NELL2: variants seen among roughly 807,000 people sequenced by gnomAD.
The protein encoded by NELL2 is protein kinase C-binding protein NELL2.
In NELL2, 41 loss-of-function variants were observed where a neutral mutation model predicts 109.6. The observed-to-expected ratio is 0.37, with a 90% CI of 0.29 to 0.49. The LOEUF (loss-of-function observed/expected upper bound fraction) is 0.49, where lower values mean the gene tolerates loss of function less well. NELL2 is among the 20% of genes least tolerant of loss of function. The pLI, the probability that NELL2 is intolerant of heterozygous loss-of-function variation, is 0.98. For synonymous variants in NELL2, 355 were observed against 344.7 expected, an observed-to-expected ratio of 1.03 and a Z score of -0.33; for missense variants, 900 against 1,008.3, an observed-to-expected ratio of 0.89 and a Z score of 1.45.
At chr12:44,876,957 C>A (rs1255300641), upstream of NELL2, 2 of 1,138,014 alleles carry the variant, frequency 1.8e-6, no homozygotes, top group Non-Finnish European at 2.2e-6. Context: ...GAGAGCTTCC[C>A]GGGCGCGGAG....
upstream of NELL2, among the ~76,000 whole-genome samples, chr12:44,915,140 C>T (rs781733758): frequency 2.0e-5 from 3 of 152,106 alleles, no homozygotes; most frequent in Non-Finnish European, 2.9e-5. Flanking sequence ...CGTGAGCCAC[C>T]GCGCCTGGCC....
At chr12:44,876,581 A>C (rs1256150639), upstream of NELL2, 2 of 1,529,546 alleles carry the variant, frequency 1.3e-6, no homozygotes, top group East Asian at 4.9e-5. Context: ...CAAGGTGCTA[A>C]GTTGATGGGC....
At chr12:44,697,488 G>A (rs111777436) in intron 12 of NELL2, among the ~76,000 whole-genome samples, 80 of 152,260 alleles carry the variant, frequency 5.3e-4, no homozygotes, top group African/African-American at 1.7e-3. Flanking sequence ...ACTCCACACA[G>A]ACTGTGGCCC....
chr12:44,611,698 A>G (rs1357131088), intron 13 of NELL2, among the ~76,000 whole-genome samples: 1 of 152,076 alleles, frequency 6.6e-6, no homozygotes, highest in African/African-American at 2.4e-5. Context: ...AACCAATATC[A>G]TTGTAACCAT....
chr12:44,761,228 C>T (rs544838800), intron 9 of NELL2, among the ~76,000 whole-genome samples: 3 of 151,998 alleles, frequency 2.0e-5, no homozygotes, highest in Non-Finnish European at 4.4e-5. Context: ...GGGTGTGGTG[C>T]TGCATGCCGG....
intron 2 of NELL2, among the ~76,000 whole-genome samples, chr12:44,851,026 C>A (rs1038116457): frequency 6.6e-6 from 1 of 152,092 alleles, no homozygotes; most frequent in Non-Finnish European, 1.5e-5. Flanking sequence ...CTTAAAATAT[C>A]TATATTATAT....
intron 13 of NELL2, among the ~76,000 whole-genome samples, chr12:44,659,106 T>C (rs1335669133): frequency 6.6e-6 from 1 of 152,034 alleles, no homozygotes; most frequent in Non-Finnish European, 1.5e-5. Context: ...GGGGAAAGAA[T>C]TCCCTATTTA....
At chr12:44,744,743 A>T (rs960237799) in intron 9 of NELL2, among the ~76,000 whole-genome samples, 4 of 152,232 alleles carry the variant, frequency 2.6e-5, no homozygotes, top group African/African-American at 9.6e-5. Context: ...TCCTCCTAAG[A>T]CTAAACCAGG....
At chr12:44,758,475 G>A (rs1410603993) in intron 9 of NELL2, among the ~76,000 whole-genome samples, 3 of 152,166 alleles carry the variant, frequency 2.0e-5, no homozygotes, top group Non-Finnish European at 4.4e-5. Context: ...CAGAAGATGC[G>A]CAAGCACAAT....
chr12:44,522,094 G>C lies in NELL2; in HGVS notation c.2081C>G (p.Pro694Arg), dbSNP rs1366884586. The part of the protein sequence containing the change: ...VDLFCCPECD[P>R]RLSSQCLHQN... ...ATGGAGGCACTGACTACTAAGCCTT[G>C]GGTCACATTCAGGGCAGCAAAAAAG... The change falls in exon 18 of 20, where the codon CCA (proline) becomes CGA (arginine). Residue 694 changes from proline (P) to arginine (R), a missense_variant. Physicochemically the swap from Pro to Arg is moderately radical, Grantham distance 103. This residue lies in a region of NELL2 where 333 missense variants were observed against 432.3 expected (regional missense o/e 0.77). Coordinates refer to ENST00000429094, the MANE Select transcript of NELL2 (RefSeq NM_001145108.2). 6.2e-7 allele frequency: 1 copy of C among 1,613,866 alleles called. No individual in the cohort carries two copies. Among genetic ancestry groups the C allele is most frequent in the Non-Finnish European group, 8.5e-7 (1 of 1,179,998 alleles).
intron 12 of NELL2, among the ~76,000 whole-genome samples, chr12:44,684,020 G>T (rs1249027883): frequency 2.6e-5 from 4 of 152,174 alleles, no homozygotes; most frequent in African/African-American, 9.7e-5. Flanking sequence ...TGTATCTCTG[G>T]TAGAATTCAG....
intron 9 of NELL2, among the ~76,000 whole-genome samples, chr12:44,771,643 A>G (rs1941554895): frequency 1.3e-5 from 2 of 152,178 alleles, no homozygotes; most frequent in South Asian, 4.1e-4. Context: ...CACTATTTTA[A>G]TGGTCCAGGC....
chr12:44,515,772 A>G (rs555018517), intron 19 of NELL2, among the ~76,000 whole-genome samples: 1 of 152,002 alleles, frequency 6.6e-6, no homozygotes, highest in Admixed American at 6.5e-5. Flanking sequence ...AGACCCTGCT[A>G]TTTTTGGCTA....
At chr12:44,919,384 T>C (rs920896354) in intron 1 of NELL2, among the ~76,000 whole-genome samples, 7 of 152,066 alleles carry the variant, frequency 4.6e-5, no homozygotes, top group African/African-American at 1.4e-4. Flanking sequence ...AATAACCGTA[T>C]GTTGAATGTA....
At chr12:44,822,252 G>A (rs1176631314) in intron 2 of NELL2, among the ~76,000 whole-genome samples, 4 of 152,082 alleles carry the variant, frequency 2.6e-5, no homozygotes, top group Non-Finnish European at 5.9e-5. Context: ...GGTTTATTAT[G>A]AGGATTATAA....
chr12:44,624,943 T>G (rs1184362296), intron 13 of NELL2, among the ~76,000 whole-genome samples: 1 of 146,194 alleles, frequency 6.8e-6, no homozygotes, highest in African/African-American at 2.5e-5. Context: ...GTGAAACTCT[T>G]GAGAAACATA....
intron 13 of NELL2, among the ~76,000 whole-genome samples, chr12:44,641,689 C>CTTTTTTTTTTTTTTT (rs71093817): frequency 1.2e-5 from 1 of 80,626 alleles, no homozygotes; most frequent in East Asian, 4.3e-4. Flanking sequence ...CTAGTTTCTC[C>CTTTTTTTTTTTTTTT]TTTTTTTTTT....
chr12:44,847,569 A>AG (rs1944408047), intron 2 of NELL2, among the ~76,000 whole-genome samples: 1 of 150,216 alleles, frequency 6.7e-6, no homozygotes, highest in African/African-American at 2.4e-5. Flanking sequence ...AAATGGGGGA[A>AG]AAAAAAAAAA....
chr12:44,839,680 G>A (rs971451207), intron 2 of NELL2, among the ~76,000 whole-genome samples: 2 of 151,994 alleles, frequency 1.3e-5, no homozygotes, highest in Admixed American at 6.5e-5. Context: ...TGAAGTGTTC[G>A]CTTGAGGGCT....
Sources: allele counts gnomAD v4.1 joint callset (sites outside exome capture counted in the v4.1 genomes callset), GRCh38; gene constraint gnomAD v4.1.1; regional missense constraint gnomAD v4.1.1; transcripts MANE v1.5; gene names NCBI Gene and HGNC (gene_info 2026-07-23, HGNC 2026-07-21).